Variants in CNNM1 observed in about 807,000 individuals in gnomAD.
The protein encoded by CNNM1 is cyclin and CBS domain divalent metal cation transport mediator 1.
A neutral mutation model predicts 78.8 loss-of-function variants in CNNM1; 44 were observed. The ratio of observed to expected loss-of-function variants is 0.56; its 90% CI spans 0.44 to 0.72. CNNM1 has a LOEUF of 0.72. Among genes scored for constraint, CNNM1 ranks in the 30% least tolerant of loss-of-function variants. CNNM1 has a pLI of 0.00. For missense variants in CNNM1, 1,101 were observed against 1,292.2 expected (o/e 0.85, Z 2.27); for synonymous variants, 584 against 581.5 (o/e 1.00, Z -0.06).
intron 1 of CNNM1, among the ~76,000 whole-genome samples, chr10:99,342,343 A>G (rs1464927269): frequency 6.6e-6 from 1 of 152,212 alleles, no homozygotes; most frequent in Non-Finnish European, 1.5e-5. Flanking sequence ...TAGCAAGCCA[A>G]ACCACCAACT....
Position 99,356,538 on chromosome 10 carries a change from AAGACAGACAGAC to A in CNNM1, c.1574-958_1574-947del, listed in dbSNP as rs199900201. 1.6e-3 allele frequency among the ~76,000 whole-genome samples: 144 copies of A among 87,708 alleles called. 1 individual carries two copies. Among genetic ancestry groups the A allele is most frequent in the African/African-American group, 4.5e-3 (135 of 30,204 alleles). 57.5% of individuals were successfully genotyped at this position (87,708 alleles called of 152,430 possible). ...AGAGAAAGAGAGAAAGAAAGAAAGAAAGACAGACAGACAGACAGACAGACAGAAAGAAAGAAA... is the reference window on the plus strand; with the variant it reads ...AGAGAAAGAGAGAAAGAAAGAAAGAAAGACAGACAGACAGAAAGAAAGAAA... On this transcript the variant is annotated intron_variant, in intron 1 of 10. Coordinates refer to ENST00000356713, the MANE Select transcript of CNNM1 (RefSeq NM_020348.3).
Position 99,387,713 on chromosome 10 carries a change from G to C in CNNM1, c.2341-107G>C, listed in dbSNP as rs184986000. 5.2e-6 allele frequency: 6 copies of C among 1,152,996 alleles called. No homozygotes were observed. The Admixed American group carries it at 1.5e-4, about 29-fold the overall frequency. 71.4% of individuals were successfully genotyped at this position (1,152,996 alleles called of 1,614,324 possible). On this transcript the variant is annotated intron_variant, in intron 7 of 10. Transcript: ENST00000356713. ...TCGTGGATCTCAGGCCTCAGAGGCC[G>C]AGGGTTCCAAGCACCCCAGCGAGGC...
chr10:99,342,125 A>T (rs2030484570), intron 1 of CNNM1, among the ~76,000 whole-genome samples: 2 of 152,230 alleles, frequency 1.3e-5, no homozygotes, highest in South Asian at 4.1e-4. Context: ...AACTAAGTGA[A>T]TACCATGTTG....
rs193045653 is a variant in CNNM1, at chr10:99,391,179, A to T, written c.2777-258A>T. On this transcript the variant is annotated intron_variant, in intron 10 of 10. Coordinates refer to ENST00000356713, the MANE Select transcript of CNNM1 (RefSeq NM_020348.3). ...ACATGGGCTTTACTCAGTCCCCTCC[A>T]GGAAGTCTCAATTCCAGGCACCAGC... Among the ~76,000 whole-genome samples, 7 of 152,372 alleles carry T rather than the reference A, an allele frequency of 4.6e-5. No individual in the cohort carries two copies. The East Asian group carries it at 9.6e-4, about 21-fold the overall frequency.
At position 99,387,989 on chromosome 10, in the gene CNNM1, G is replaced by C; in HGVS notation, c.2510G>C (p.Arg837Thr). ...CCCGCCATCACGCTCCTCAACAACAGGAACAGCCTGCCGTGTAAGTCAGCT... is the reference window on the plus strand; with the variant it reads ...CCCGCCATCACGCTCCTCAACAACACGAACAGCCTGCCGTGTAAGTCAGCT... ...DDPAITLLNNRNSLPCSRSDG... is the reference protein window; with the variant it reads ...DDPAITLLNNTNSLPCSRSDG... Residue 837 changes from arginine (R) to threonine (T), a missense_variant, in exon 8 of 11, where the codon AGG becomes ACG. Arg to Thr is a moderately conservative substitution (Grantham distance 71). Transcript: ENST00000356713. 6.3e-7 allele frequency: 1 copy of C among 1,591,568 alleles called. No individual in the cohort carries two copies. The highest frequency in any genetic ancestry group is 8.6e-7 in the Non-Finnish European group (1 of 1,168,550).
At chr10:99,332,238 A>T (rs1245735104) in intron 1 of CNNM1, among the ~76,000 whole-genome samples, 1 of 152,218 alleles carries the variant, frequency 6.6e-6, no homozygotes, top group East Asian at 1.9e-4. Context: ...AATTAGAATA[A>T]GTGTAGAACT....
At position 99,330,442 on chromosome 10, in the gene CNNM1, T is replaced by C. The variant is rs1220967680; in HGVS notation, c.1055T>C (p.Leu352Pro). 1.9e-6 allele frequency: 3 copies of C among 1,590,974 alleles called. No homozygotes were observed. The highest frequency in any genetic ancestry group is 1.3e-5 in the African/African-American group (1 of 74,500). Residue 352 changes from leucine (L) to proline (P), a missense_variant, in exon 1 of 11, where the codon CTG becomes CCG. Transcript: ENST00000356713. ...CPYSVCSRHGLAIASHSVCLT... is the reference protein window; with the variant it reads ...CPYSVCSRHGPAIASHSVCLT... Reference sequence around the variant, plus strand: ...TACTCAGTGTGTTCGCGGCACGGGCTGGCCATCGCCTCGCACAGCGTGTGC... The same window carrying C: ...TACTCAGTGTGTTCGCGGCACGGGCCGGCCATCGCCTCGCACAGCGTGTGC...
intron 1 of CNNM1, among the ~76,000 whole-genome samples, chr10:99,356,244 G>A (rs1293113504): frequency 1.3e-5 from 2 of 151,688 alleles, no homozygotes; most frequent in East Asian, 1.9e-4. Context: ...TCATGAGGTC[G>A]AGGCAGATGG....
At chr10:99,337,438 G>A (rs1215319683) in intron 1 of CNNM1, among the ~76,000 whole-genome samples, 1 of 152,210 alleles carries the variant, frequency 6.6e-6, no homozygotes, top group Non-Finnish European at 1.5e-5. Flanking sequence ...ACTCTGTGGT[G>A]CACTGTGCTA....
At chr10:99,387,680 G>GC (rs2032344242) in intron 7 of CNNM1, 140 bp from the exon 8 acceptor site, 1 of 763,140 alleles carries the variant, frequency 1.3e-6, no homozygotes, top group Admixed American at 3.2e-5. Context: ...CGTGGGTAAG[G>GC]CCCCCATTCG....
At position 99,360,985 on chromosome 10, in the gene CNNM1, G is replaced by A. The variant is rs2031412635; in HGVS notation, c.1858+10G>A. ...CGCTTCATGGCCACAGGTAGGACAA[G>A]TCTCCACTCCAGAGAAGCTAAAACA... On this transcript the variant is annotated intron_variant, in intron 3 of 10. Transcript: ENST00000356713. 4.4e-6 allele frequency: 7 copies of A among 1,597,266 alleles called. No homozygotes were observed. The highest frequency in any genetic ancestry group is 5.1e-6 in the Non-Finnish European group (6 of 1,168,940).
intron 3 of CNNM1, among the ~76,000 whole-genome samples, chr10:99,361,845 G>A (rs532200803): frequency 3.3e-5 from 5 of 152,170 alleles, no homozygotes; most frequent in South Asian, 2.1e-4. Context: ...ATACAAATAA[G>A]CCAGATTAAA....
intron 1 of CNNM1, among the ~76,000 whole-genome samples, chr10:99,332,749 C>T (rs994498882): frequency 2.0e-4 from 30 of 152,206 alleles, no homozygotes; most frequent in Middle Eastern, 3.4e-3. Context: ...GAGAACAGCC[C>T]TAGACTTTGT....
At chr10:99,345,648 C>T (rs2030657730) in intron 1 of CNNM1, among the ~76,000 whole-genome samples, 1 of 152,068 alleles carries the variant, frequency 6.6e-6, no homozygotes, top group Non-Finnish European at 1.5e-5. Flanking sequence ...TTAGGCTGAA[C>T]CCAGAGAGAG....
intron 1 of CNNM1, among the ~76,000 whole-genome samples, chr10:99,351,269 T>C (rs74154506): frequency 9.8e-5 from 15 of 152,318 alleles, no homozygotes; most frequent in African/African-American, 3.4e-4. Context: ...ATCTCAAGCA[T>C]GTCTCAGAGG....
At chr10:99,338,068 A>G (rs1338998428) in intron 1 of CNNM1, among the ~76,000 whole-genome samples, 2 of 152,202 alleles carry the variant, frequency 1.3e-5, no homozygotes, top group East Asian at 1.9e-4. Context: ...AGCCTAAAGC[A>G]TAGTGGATGA....
chr10:99,366,652 C>T (rs769774053), intron 6 of CNNM1, among the ~76,000 whole-genome samples: 5 of 152,012 alleles, frequency 3.3e-5, no homozygotes, highest in Non-Finnish European at 5.9e-5. Flanking sequence ...CATGGTAGCA[C>T]GTGCCTTTGA....
intron 1 of CNNM1, among the ~76,000 whole-genome samples, chr10:99,343,297 A>G (rs4540784): frequency 0.38 from 58,510 of 152,048 alleles, 15,344 homozygotes; most frequent in African/African-American, 0.75. Context: ...ACTGAGGCAC[A>G]GAAAGGACAA....
At chr10:99,349,698 G>T (rs2030857089) in intron 1 of CNNM1, among the ~76,000 whole-genome samples, 1 of 152,146 alleles carries the variant, frequency 6.6e-6, no homozygotes, top group South Asian at 2.1e-4. Flanking sequence ...CACCTGGAGA[G>T]CTCATTAAAA....
Sources: gnomAD v4.1 joint callset for allele counts (sites outside exome capture counted in the v4.1 genomes callset) on GRCh38, gnomAD v4.1.1 for gene constraint, MANE v1.5 for transcripts, NCBI Gene and HGNC (gene_info 2026-07-23, HGNC 2026-07-21) for gene names.